COL25A1: variants seen among roughly 807,000 people sequenced by gnomAD.
COL25A1 encodes the protein collagen alpha-1(XXV) chain.
In COL25A1, 103 loss-of-function variants were observed where a neutral mutation model predicts 128.4. That is an observed-to-expected ratio of 0.80 (90% CI 0.68 to 0.94). The LOEUF is 0.94. COL25A1 is among the 40% of genes least tolerant of loss of function. The pLI is 0.00. For missense variants in COL25A1, 745 were observed against 840.0 expected, an observed-to-expected ratio of 0.89 and a Z score of 1.40; for synonymous variants, 279 against 277.2, an observed-to-expected ratio of 1.01 and a Z score of -0.06.
At chr4:108,947,579 CA>C (rs911807516) in intron 8 of COL25A1, among the ~76,000 whole-genome samples, 11 of 152,130 alleles carry the variant, frequency 7.2e-5, no homozygotes, top group Middle Eastern at 6.8e-3. Flanking sequence ...AAGGGATGAG[CA>C]GGGGAAGAGG....
chr4:109,193,411 G>C (rs1775778700), intron 3 of COL25A1, among the ~76,000 whole-genome samples: 1 of 152,170 alleles, frequency 6.6e-6, no homozygotes, highest in Non-Finnish European at 1.5e-5. Flanking sequence ...CGGTCATCTT[G>C]ATAGAGGCTG....
intron 5 of COL25A1, among the ~76,000 whole-genome samples, chr4:109,012,490 G>A (rs2126048109): frequency 6.6e-6 from 1 of 152,308 alleles, no homozygotes; most frequent in South Asian, 2.1e-4. Context: ...GCGCGGGCAG[G>A]AACTTGGGCT....
At chr4:109,192,573 G>T (rs1455073520) in intron 3 of COL25A1, among the ~76,000 whole-genome samples, 1 of 152,194 alleles carries the variant, frequency 6.6e-6, no homozygotes, top group African/African-American at 2.4e-5. Context: ...AGAGAAGGTG[G>T]GCCTGGCGCA....
intron 8 of COL25A1, among the ~76,000 whole-genome samples, chr4:108,971,113 A>G (rs1751865571): frequency 6.6e-6 from 1 of 152,168 alleles, no homozygotes; most frequent in Non-Finnish European, 1.5e-5. Flanking sequence ...CACAGTTGAC[A>G]GTGCTCATTT....
chr4:109,157,139 G>GA (rs1219815659), intron 3 of COL25A1, among the ~76,000 whole-genome samples: 1 of 152,152 alleles, frequency 6.6e-6, no homozygotes, highest in African/African-American at 2.4e-5. Flanking sequence ...GCATTCCCAG[G>GA]AAGAGCACAG....
intron 6 of COL25A1, among the ~76,000 whole-genome samples, chr4:108,975,668 T>C (rs59128554): frequency 0.046 from 7,054 of 152,240 alleles, 446 homozygotes; most frequent in African/African-American, 0.14. Context: ...ATTACCAATA[T>C]TTGATATTTT....
In COL25A1 at chr4:108,825,236, A is replaced by T; in HGVS notation, c.1765-14T>A. 1 of 1,610,218 alleles carries T rather than the reference A, an allele frequency of 6.2e-7. No homozygotes were observed. Among genetic ancestry groups the T allele is most frequent in the Non-Finnish European group, 8.5e-7 (1 of 1,176,734 alleles). ...TCCATCTTTCCCCTGCCAAAGAACC[A>T]TAGTAGCTACATTAGTGTTTCTAAG... On this transcript the variant is annotated splice_polypyrimidine_tract_variant and intron_variant, in intron 33 of 37. Coordinates refer to ENST00000399132, the MANE Select transcript of COL25A1 (RefSeq NM_198721.4).
chr4:109,218,362 T>TTTTTTGTTTGTTTTTTTTTG, intron 3 of COL25A1, among the ~76,000 whole-genome samples: 1 of 136,598 alleles, frequency 7.3e-6, no homozygotes. Flanking sequence ...TTGGGGTTTT[T>TTTTTTGTTTGTTTTTTTTTG]TTTTTTTTTT....
intron 19 of COL25A1, among the ~76,000 whole-genome samples, chr4:108,880,088 T>C (rs12500710): frequency 0.56 from 84,809 of 152,078 alleles, 24,852 homozygotes; most frequent in East Asian, 1. Context: ...GGATTACAGG[T>C]TTGAGCCATT....
At chr4:109,044,865 T>G (rs1237526861) in intron 5 of COL25A1, among the ~76,000 whole-genome samples, 1 of 152,182 alleles carries the variant, frequency 6.6e-6, no homozygotes. Flanking sequence ...AAATTAAAAT[T>G]ACAGAAACTG....
intron 6 of COL25A1, among the ~76,000 whole-genome samples, chr4:109,000,281 C>T (rs1259411958): frequency 6.6e-6 from 1 of 152,162 alleles, no homozygotes; most frequent in Non-Finnish European, 1.5e-5. Flanking sequence ...TTTCAGTCCT[C>T]ACACTGTTGA....
intron 13 of COL25A1, among the ~76,000 whole-genome samples, chr4:108,909,448 T>A (rs908610147): frequency 6.6e-6 from 1 of 152,238 alleles, no homozygotes; most frequent in Non-Finnish European, 1.5e-5. Context: ...GACCAAACCT[T>A]CCTTATGCTT....
intron 19 of COL25A1, among the ~76,000 whole-genome samples, chr4:108,874,668 A>G (rs1336016183): frequency 1.3e-5 from 2 of 152,206 alleles, no homozygotes; most frequent in African/African-American, 4.8e-5. Flanking sequence ...TGAAGTAAAA[A>G]CAATAAAGTA....
chr4:108,961,816 A>C (rs1750745349), intron 8 of COL25A1, among the ~76,000 whole-genome samples: 2 of 152,204 alleles, frequency 1.3e-5, no homozygotes, highest in Admixed American at 6.5e-5. Context: ...TTGGGCCACA[A>C]TTTTAATAGT....
chr4:108,866,024 C>T (rs1004257626), intron 20 of COL25A1, among the ~76,000 whole-genome samples: 3 of 152,206 alleles, frequency 2.0e-5, no homozygotes, highest in Non-Finnish European at 4.4e-5. Flanking sequence ...TCCATCTCTT[C>T]CTTGTCCACA....
chr4:109,024,206 A>G (rs1758029578), intron 5 of COL25A1, among the ~76,000 whole-genome samples: 1 of 152,180 alleles, frequency 6.6e-6, no homozygotes, highest in Non-Finnish European at 1.5e-5. Flanking sequence ...GGTTAGGTGT[A>G]TTAAATGCAT....
chr4:109,075,622 T>G (rs1763310615), intron 3 of COL25A1, among the ~76,000 whole-genome samples: 1 of 152,086 alleles, frequency 6.6e-6, no homozygotes, highest in African/African-American at 2.4e-5. Context: ...CTCAAAGACA[T>G]CTATTAACAT....
At chr4:108,916,447 T>C (rs1744879738) in intron 13 of COL25A1, among the ~76,000 whole-genome samples, 1 of 152,070 alleles carries the variant, frequency 6.6e-6, no homozygotes, top group Admixed American at 6.5e-5. Context: ...TTTGAAAGAG[T>C]GTATGTGACA....
intron 3 of COL25A1, among the ~76,000 whole-genome samples, chr4:109,280,689 G>A (rs1422273125): frequency 6.6e-6 from 1 of 150,718 alleles, no homozygotes; most frequent in East Asian, 2.0e-4. Context: ...GTCTTGCTCT[G>A]TCGCCCAGGC....
Sources: gnomAD v4.1 joint callset for allele counts (sites outside exome capture counted in the v4.1 genomes callset) on GRCh38, gnomAD v4.1.1 for gene constraint, MANE v1.5 for transcripts, NCBI Gene and HGNC (gene_info 2026-07-23, HGNC 2026-07-21) for gene names.